The following KIF3C variants were observed in gnomAD, a reference collection of about 807,000 sequenced individuals.
KIF3C encodes the protein kinesin-like protein KIF3C.
In KIF3C, 12 loss-of-function variants were observed where a neutral mutation model predicts 67.7. The ratio of observed to expected loss-of-function variants is 0.18; its 90% CI spans 0.11 to 0.29. The LOEUF is 0.29. Among genes scored for constraint, KIF3C ranks in the 10% least tolerant of loss-of-function variants. The pLI, the probability that KIF3C is intolerant of heterozygous loss-of-function variation, is 1.00. For missense variants in KIF3C, 789 were observed against 1,059.6 expected (o/e 0.74, Z 3.55); for synonymous variants, 393 against 426.2 (o/e 0.92, Z 0.96).
intron 6 of KIF3C, 139 bp downstream of exon 6, chr2:25,929,816 A>G: frequency 1.5e-6 from 1 of 652,034 alleles, no homozygotes; most frequent in Non-Finnish European, 2.7e-6. Context: ...GGGGTTCACC[A>G]TGTTAACCAG....
At chr2:25,957,516 C>T (rs1377904578) in intron 1 of KIF3C, among the ~76,000 whole-genome samples, 1 of 152,164 alleles carries the variant, frequency 6.6e-6, no homozygotes, top group Non-Finnish European at 1.5e-5. Flanking sequence ...ACCCAGTTGT[C>T]CTCTGGCTTC....
intron 1 of KIF3C, among the ~76,000 whole-genome samples, chr2:25,970,987 A>G (rs1664268563): frequency 1.4e-5 from 2 of 142,928 alleles, no homozygotes; most frequent in African/African-American, 2.6e-5. Context: ...AAAAAAAAAA[A>G]AAGGGCCGGG....
At position 25,981,390 on chromosome 2, in the gene KIF3C, GT is replaced by G; in HGVS notation, c.527del (p.Tyr176SerfsTer19). On this transcript the variant is annotated frameshift_variant, in exon 1 of 8. Transcript: ENST00000264712. LOFTEE classifies it high-confidence loss of function. This position sits in a 1 kb window ranked among gnomAD's most constrained non-coding sequence, Gnocchi z 8.2. The stretch of plus-strand genomic sequence containing the variant: ...TGACGAAGGAGGAGAGGTCCTTGAT[GT>G]AGACGCCAGTCTCGGGGTTCTCTTT... ...ELKENPETGV[Y>X]IKDLSSFVTK... The G allele has an allele frequency of 6.2e-7, 1 of 1,614,220 alleles. No individual in the cohort carries two copies. Among genetic ancestry groups the G allele is most frequent in the Non-Finnish European group, 8.5e-7 (1 of 1,180,044 alleles).
chr2:25,964,619 A>G (rs1379361111), intron 1 of KIF3C, among the ~76,000 whole-genome samples: 1 of 152,028 alleles, frequency 6.6e-6, no homozygotes, highest in Admixed American at 6.6e-5. Flanking sequence ...GGCATGTGCC[A>G]GCATGCCGGC....
chr2:25,948,664 GAGAAAGAGAGAGAGAA>G (rs1559551439), intron 5 of KIF3C, among the ~76,000 whole-genome samples: 30 of 143,556 alleles, frequency 2.1e-4, no homozygotes, highest in African/African-American at 7.5e-4. Flanking sequence ...AAGAGAAAGA[GAGAAAGAGAGAGAGAA>G]AGAAAGAAAG....
intron 1 of KIF3C, among the ~76,000 whole-genome samples, chr2:25,978,456 A>G (rs1198054943): frequency 6.6e-6 from 1 of 152,128 alleles, no homozygotes; most frequent in African/African-American, 2.4e-5. Context: ...GGCTCTCCTC[A>G]ACTCACCTGT....
Position 25,981,300 on chromosome 2 carries a change from G to T in KIF3C, c.618C>A (p.Ser206Arg). The T allele has an allele frequency of 6.2e-7, 1 of 1,614,052 alleles. No homozygotes were observed. Among genetic ancestry groups the T allele is most frequent in the Non-Finnish European group, 8.5e-7 (1 of 1,179,986 alleles). The change falls in exon 1 of 8, where the codon AGC (serine) becomes AGA (arginine). Residue 206 changes from serine to arginine, a missense_variant. Ser to Arg is a moderately radical substitution (Grantham distance 110, BLOSUM62 -1). Coordinates refer to ENST00000264712, the MANE Select transcript of KIF3C (RefSeq NM_002254.8). The surrounding 1 kb of genome is among the most constrained non-coding windows in gnomAD (Gnocchi z 8.2). ...GGGAGCTGACCTCATTCATGTGGGT[G>T]CTGCCCACAGCCCGGGTCTGGTTCC... The part of the protein sequence containing the change: ...NLGNQTRAVG[S>R]THMNEVSSRS...
At chr2:25,931,222 C>T (rs982630889) in intron 5 of KIF3C, among the ~76,000 whole-genome samples, 2 of 151,870 alleles carry the variant, frequency 1.3e-5, no homozygotes, top group Admixed American at 6.6e-5. Context: ...TTTGGGAGGC[C>T]GAGACGGGTA....
chr2:25,962,983 T>TAC (rs1456806262), intron 1 of KIF3C, among the ~76,000 whole-genome samples: 2 of 51,604 alleles, frequency 3.9e-5, no homozygotes, highest in Non-Finnish European at 5.6e-5. Context: ...TAATATATAA[T>TAC]ATATAATATA....
chr2:25,962,937 A>AATATATAATATATAATATATAAT (rs1559555298), intron 1 of KIF3C, among the ~76,000 whole-genome samples: 12 of 32,928 alleles, frequency 3.6e-4, no homozygotes, highest in Non-Finnish European at 4.9e-4. Context: ...TAATACATAT[A>AATATATAATATATAATATATAAT]ATATATAATA....
intron 1 of KIF3C, among the ~76,000 whole-genome samples, chr2:25,960,908 C>T (rs1311050885): frequency 2.6e-5 from 4 of 152,150 alleles, no homozygotes; most frequent in Non-Finnish European, 5.9e-5. Context: ...TGCACTTTAG[C>T]TTGGGCAACA....
intron 4 of KIF3C, among the ~76,000 whole-genome samples, chr2:25,953,828 C>T (rs1485599943): frequency 1.3e-5 from 2 of 151,642 alleles, no homozygotes; most frequent in East Asian, 1.9e-4. Context: ...CCACCATGCC[C>T]GGCTAATTTT....
chr2:25,957,823 C>G (rs1338254312), intron 1 of KIF3C, among the ~76,000 whole-genome samples: 2 of 152,212 alleles, frequency 1.3e-5, no homozygotes, highest in Non-Finnish European at 2.9e-5. Context: ...TTCATTCCAG[C>G]CCCACACAGC....
intron 4 of KIF3C, among the ~76,000 whole-genome samples, chr2:25,952,523 ATATGTG>A (rs1663643760): frequency 1.2e-5 from 1 of 83,638 alleles, no homozygotes; most frequent in Non-Finnish European, 2.2e-5. Flanking sequence ...AATTGTATAT[ATATGTG>A]TGTGTGTGTG....
chr2:25,931,485 A>C (rs538158836), intron 5 of KIF3C, among the ~76,000 whole-genome samples: 1 of 152,152 alleles, frequency 6.6e-6, no homozygotes, highest in African/African-American at 2.4e-5. Context: ...AAAACAAAAC[A>C]AAAAAAGTAT....
chr2:25,957,542 G>A (rs1316607231), intron 1 of KIF3C, among the ~76,000 whole-genome samples: 1 of 152,156 alleles, frequency 6.6e-6, no homozygotes, highest in African/African-American at 2.4e-5. Flanking sequence ...GGGCCTCCTG[G>A]AAGGTTGAAA....
chr2:25,954,266 C>T lies in KIF3C; in HGVS notation c.1889+1G>A. ...GGGATGAAAAGAGCTGCGGGCCCTA[C>T]TTGAGCTTGAGTTCGCGGGTCTGCT... On this transcript the variant is annotated splice_donor_variant, in intron 4 of 7. Transcript: ENST00000264712. LOFTEE classifies it high-confidence loss of function. 6.2e-7 allele frequency: 1 copy of T among 1,612,410 alleles called. No individual in the cohort carries two copies. Among genetic ancestry groups the T allele is most frequent in the South Asian group, 1.1e-5 (1 of 91,050 alleles).
chr2:25,941,163 G>T (rs531287409), intron 5 of KIF3C, among the ~76,000 whole-genome samples: 15 of 152,056 alleles, frequency 9.9e-5, no homozygotes, highest in Non-Finnish European at 2.9e-5. Context: ...GCTGGGTATG[G>T]TGGTCCATGT....
chr2:25,976,149 G>C (rs897571526), intron 1 of KIF3C, among the ~76,000 whole-genome samples: 1 of 152,106 alleles, frequency 6.6e-6, no homozygotes, highest in Non-Finnish European at 1.5e-5. Context: ...CCCTGCTGAG[G>C]GGTGGGAGAA....
Sources: allele counts gnomAD v4.1 joint callset (sites outside exome capture counted in the v4.1 genomes callset), GRCh38; gene constraint gnomAD v4.1.1; non-coding constraint Gnocchi (gnomAD v3.1); transcripts MANE v1.5; gene names NCBI Gene and HGNC (gene_info 2026-07-23, HGNC 2026-07-21).